Variants in APC2 observed in about 807,000 individuals in gnomAD.
The protein encoded by APC2 is adenomatous polyposis coli protein 2.
Under a neutral mutation model 72.5 loss-of-function variants are expected in APC2, and 41 were observed. That is an observed-to-expected ratio of 0.57 (90% CI 0.44 to 0.73). APC2 has a LOEUF of 0.73. Among genes scored for constraint, APC2 ranks in the 30% least tolerant of loss-of-function variants. APC2 has a pLI of 0.00. For missense variants in APC2, 3,729 were observed against 3,403.4 expected (o/e 1.10, Z -2.38); for synonymous variants, 1,898 against 1,612.0 (o/e 1.18, Z -4.25).
chr19:1,453,193 C>T lies in APC2; in HGVS notation c.141+51C>T, dbSNP rs375278949. ...GCTAGGGTCCCGGGGTGGTGCCCCC[C>T]GGCAGCCCAGTGCAGTGGCTGATGG... On this transcript the variant is annotated intron_variant, in intron 2 of 14. Transcript: ENST00000590469. 3.9e-5 allele frequency: 61 copies of T among 1,567,358 alleles called. 1 individual carries two copies. Among genetic ancestry groups the T allele is most frequent in the Admixed American group, 3.6e-4 (19 of 52,628 alleles).
Position 1,468,368 on chromosome 19 carries a change from C to T in APC2, c.5067C>T (p.Ile1689=). ...TGGATAGCGTGGAGTGGCGCGCCAT[C>T]CAGGAGGGCGCCAATTCAATTGTCA... ...SDLDSVEWRA[I]QEGANSIVTW... is the part of the protein sequence containing the mutation. Residue 1689 remains isoleucine (I), a synonymous_variant, in exon 15 of 15, where the codon ATC becomes ATT. Transcript: ENST00000590469. The T allele has an allele frequency of 6.3e-7, 1 of 1,575,106 alleles. No homozygotes were observed. Among genetic ancestry groups the T allele is most frequent in the Non-Finnish European group, 8.6e-7 (1 of 1,159,086 alleles).
chr19:1,454,364 CT>C (rs11305729), intron 4 of APC2, among the ~76,000 whole-genome samples: 77,999 of 142,712 alleles, frequency 0.55, 20,642 homozygotes, highest in East Asian at 0.7. Context: ...ATTGCTTTCT[CT>C]TTTTTTTTTT....
At chr19:1,460,422 G>A in intron 11 of APC2, 102 bp downstream of exon 11, 2 of 1,537,358 alleles carry the variant, frequency 1.3e-6, no homozygotes, top group South Asian at 2.4e-5. Context: ...CCTGAGAGCT[G>A]GGGCCACTTG....
rs752863055 is a variant in APC2, at chr19:1,461,980, C to T, written c.1656C>T (p.Ser552=). 48 of 1,611,912 alleles carry T rather than the reference C, an allele frequency of 3.0e-5. No homozygotes were observed. The highest frequency in any genetic ancestry group is 1.3e-4 in the East Asian group (6 of 44,860). ...TCGTCCAGGAGTCCACCCTGAAGAG[C>T]GTGCTGAGCGCCCTGTGGAATCTGT... is the stretch of plus-strand genomic sequence containing the variant. ...LRATKESTLK[S]VLSALWNLSA... The change falls in exon 14 of 15, where the codon AGC becomes AGT. Residue 552 remains serine, a synonymous_variant. Coordinates refer to ENST00000590469, the MANE Select transcript of APC2 (RefSeq NM_005883.3).
At chr19:1,449,737 C>A (rs1041922197), upstream of APC2, among the ~76,000 whole-genome samples, 15 of 152,126 alleles carry the variant, frequency 9.9e-5, no homozygotes, top group Non-Finnish European at 1.3e-4. Flanking sequence ...CAGGCTGGAC[C>A]TGTGGGGTGG....
chr19:1,465,774 G>C lies in APC2; in HGVS notation c.2473G>C (p.Gly825Arg), dbSNP rs760870745. Residue 825 changes from glycine to arginine, a missense_variant, in exon 15 of 15, where the codon GGC becomes CGC. Coordinates refer to ENST00000590469, the MANE Select transcript of APC2 (RefSeq NM_005883.3). ...ALARTPPTRR[G>R]GKEAEKDTSG... Reference sequence around the variant, plus strand: ...GGCTCGCACCCCGCCCACCCGCCGAGGCGGCAAGGAGGCAGAGAAGGACAC... The same window carrying C: ...GGCTCGCACCCCGCCCACCCGCCGACGCGGCAAGGAGGCAGAGAAGGACAC... 3.8e-5 allele frequency: 60 copies of C among 1,566,400 alleles called. 3 individuals carry two copies. The South Asian group carries it at 6.9e-4, about 18-fold the overall frequency.
In APC2 at chr19:1,468,660, G is replaced by C; in HGVS notation, c.5359G>C (p.Val1787Leu). 6.3e-7 allele frequency: 1 copy of C among 1,584,734 alleles called. No individual in the cohort carries two copies. The highest frequency in any genetic ancestry group is 8.6e-7 in the Non-Finnish European group (1 of 1,163,732). The change falls in exon 15 of 15, where the codon GTG (valine) becomes CTG (leucine). Residue 1787 changes from valine (V) to leucine (L), a missense_variant. Physicochemically the swap from Val to Leu is conservative, Grantham distance 32. Coordinates refer to ENST00000590469, the MANE Select transcript of APC2 (RefSeq NM_005883.3). ...GAAGACCACGCCCGGGGTGCCAGCT[G>C]TGCTCCGGGGACGAACAGTGATCTA... Reference protein sequence around the residue: ...TQKTTPGVPAVLRGRTVIYVP... With the variant: ...TQKTTPGVPALLRGRTVIYVP...
Position 1,460,176 on chromosome 19 carries a change from C to CACAGG in APC2, c.1304-4_1304dup, listed in dbSNP as rs1463905153. The CACAGG allele has an allele frequency of 1.2e-6, 2 of 1,613,124 alleles. No homozygotes were observed. The highest frequency in any genetic ancestry group is 2.7e-5 in the African/African-American group (2 of 74,946). Reference sequence around the variant, plus strand: ...CCACCCACCAACCTTGTTGGGTCCTCACAGGTGGGCTGCAGGCCGTGGCAG... The same window carrying CACAGG: ...CCACCCACCAACCTTGTTGGGTCCTCACAGGACAGGTGGGCTGCAGGCCGTGGCAG... On this transcript the variant is annotated splice_polypyrimidine_tract_variant and splice_region_variant and intron_variant, in intron 10 of 14. Transcript: ENST00000590469.
chr19:1,448,296 C>T (rs2145169132), upstream of APC2, among the ~76,000 whole-genome samples: 1 of 152,254 alleles, frequency 6.6e-6, no homozygotes, highest in South Asian at 2.1e-4. Context: ...CTTCCAGCCT[C>T]CAGAAAAAAA....
At position 1,470,292 on chromosome 19, in the gene APC2, A is replaced by T; in HGVS notation, c.*79A>T. ...GCTGCCCCATGGGCCTGCGCTGTAG[A>T]CGTCCCCCATAGGTCGCCCCAGGGC... On this transcript the variant is annotated 3_prime_UTR_variant, in exon 15 of 15. Coordinates refer to ENST00000590469, the MANE Select transcript of APC2 (RefSeq NM_005883.3). The T allele has an allele frequency of 6.9e-7, 1 of 1,446,202 alleles. No homozygotes were observed. Among genetic ancestry groups the T allele is most frequent in the Non-Finnish European group, 9.1e-7 (1 of 1,100,684 alleles). The allele number at this position is 1,446,202 out of a possible 1,614,324, so 89.6% of individuals were successfully genotyped here.
upstream of APC2, among the ~76,000 whole-genome samples, chr19:1,446,844 G>T (rs756751648): frequency 3.9e-5 from 6 of 152,178 alleles, no homozygotes; most frequent in Admixed American, 1.3e-4. This position sits in a 1 kb window ranked among gnomAD's most constrained non-coding sequence, Gnocchi z 6.1. Flanking sequence ...GTCCGCTCCC[G>T]ACCCCAGCGC....
rs889696469 is a variant in APC2 at position 1,466,664 on chromosome 19, G to C, written c.3363G>C (p.Ser1121=). ...CGTGGCGGGCGCCCGGGGCCACCTC[G>C]CTGCCCGTAGCCATTCCGGCTCCCC... The part of the protein sequence containing the change: ...DSTWRAPGAT[S]LPVAIPAPRR... The change falls in exon 15 of 15, where the codon TCG becomes TCC. Residue 1121 remains serine (S), a synonymous_variant. Transcript: ENST00000590469. 6.7e-7 allele frequency: 1 copy of C among 1,497,408 alleles called. No individual in the cohort carries two copies. The highest frequency in any genetic ancestry group is 8.9e-7 in the Non-Finnish European group (1 of 1,123,812). The allele number at this position is 1,497,408 out of a possible 1,614,324, so 92.8% of individuals were successfully genotyped here. A position where few individuals can be genotyped will look rare whatever the true frequency, so the allele number is the denominator to read the frequency against.
At position 1,472,981 on chromosome 19, in the gene APC2, C is replaced by G. The variant is rs538183560; in HGVS notation, c.*2768C>G. 3.0e-4 allele frequency: 46 copies of G among 152,432 alleles called. No homozygotes were observed. Among genetic ancestry groups the G allele is most frequent in the African/African-American group, 1.0e-3 (42 of 41,580 alleles). 9.4% of individuals were successfully genotyped at this position (152,432 alleles called of 1,614,324 possible). ...GCGCCGTGCCCACCGGCATGGTCCT[C>G]CCGAGCTCCGACAGCATTACCTCAC... On this transcript the variant is annotated 3_prime_UTR_variant, in exon 15 of 15. Transcript: ENST00000590469.
chr19:1,465,137 C>A lies in APC2; in HGVS notation c.1854-18C>A, dbSNP rs570721926. 4.7e-5 allele frequency: 74 copies of A among 1,586,904 alleles called. No homozygotes were observed. The highest frequency in any genetic ancestry group is 6.2e-5 in the Non-Finnish European group (72 of 1,167,326). On this transcript the variant is annotated intron_variant, in intron 14 of 14. Transcript: ENST00000590469. Reference sequence around the variant, plus strand: ...GAGGGTGGGGGGTGGCCCAGGCTAACCCGCCCTGTGCCTACAGGCAGGTGC... The same window carrying A: ...GAGGGTGGGGGGTGGCCCAGGCTAAACCGCCCTGTGCCTACAGGCAGGTGC...
At chr19:1,459,061 C>A (rs186888398) in intron 10 of APC2, among the ~76,000 whole-genome samples, 1 of 152,098 alleles carries the variant, frequency 6.6e-6, no homozygotes, top group Non-Finnish European at 1.5e-5. Context: ...CCACCCCCAT[C>A]CTACTTTCTG....
rs769619749 is a variant in APC2, at chr19:1,465,735, C to A, written c.2434C>A (p.Gln812Lys). ...CCTCTTCCTGGGCAGCCCCTTCCTG[C>A]AGGGGCAGGCGCTGGCTCGCACCCC... The part of the protein sequence containing the change: ...LSLFLGSPFL[Q>K]GQALARTPPT... Residue 812 changes from glutamine to lysine, a missense_variant, in exon 15 of 15, where the codon CAG becomes AAG. Gln to Lys is a moderately conservative substitution (Grantham distance 53). Transcript: ENST00000590469. 6.5e-7 allele frequency: 1 copy of A among 1,548,632 alleles called. No homozygotes were observed. The highest frequency in any genetic ancestry group is 1.9e-5 in the Admixed American group (1 of 51,698).
Position 1,468,017 on chromosome 19 carries a change from G to A in APC2, c.4716G>A (p.Glu1572=), listed in dbSNP as rs2084053837. The change falls in exon 15 of 15, where the codon GAG becomes GAA. Residue 1572 remains glutamate, a synonymous_variant. Transcript: ENST00000590469. ...ARTQPSLIAD[E]TPPCYSLSSS... ...CCCAGCCCAGCCTCATTGCTGACGA[G>A]ACCCCGCCCTGCTACTCCCTGAGCT... is the stretch of plus-strand genomic sequence containing the variant. 6.3e-7 allele frequency: 1 copy of A among 1,585,916 alleles called. No homozygotes were observed. The highest frequency in any genetic ancestry group is 1.4e-5 in the African/African-American group (1 of 72,520).
rs202150011 is a variant in APC2, at chr19:1,461,938, C to T, written c.1639-25C>T. The T allele has an allele frequency of 2.8e-5, 44 of 1,584,244 alleles. No homozygotes were observed. The Admixed American group carries it at 3.4e-4, about 12-fold the overall frequency. ...CCTCCGGGCCACTCAGGCCCTGACCCGCCCCTCTCCCGCCCCTCGTCCAGG... is the reference window on the plus strand; with the variant it reads ...CCTCCGGGCCACTCAGGCCCTGACCTGCCCCTCTCCCGCCCCTCGTCCAGG... On this transcript the variant is annotated intron_variant, in intron 13 of 14. Transcript: ENST00000590469.
chr19:1,461,210 G>T, intron 13 of APC2, 57 bp downstream of exon 13: 1 of 1,433,526 alleles, frequency 7.0e-7, no homozygotes, highest in Non-Finnish European at 9.7e-7. Flanking sequence ...GAGACTGCTG[G>T]CGGCAGCGGG....
Sources: allele counts gnomAD v4.1 joint callset (sites outside exome capture counted in the v4.1 genomes callset), GRCh38; gene constraint gnomAD v4.1.1; non-coding constraint Gnocchi (gnomAD v3.1); transcripts MANE v1.5; gene names NCBI Gene and HGNC (gene_info 2026-07-23, HGNC 2026-07-21).